The following HIVEP1 variants were observed in gnomAD, a reference collection of about 807,000 sequenced individuals.
HIVEP1 encodes zinc finger protein 40.
A neutral mutation model predicts 180.0 loss-of-function variants in HIVEP1; 36 were observed. The observed-to-expected ratio is 0.20, with a 90% confidence interval of 0.15 to 0.26. HIVEP1 has a LOEUF of 0.26. HIVEP1 is among the 10% of genes least tolerant of loss of function. The pLI is 1.00. For missense variants in HIVEP1, 3,143 were observed against 3,268.7 expected (o/e 0.96, Z 0.94); for synonymous variants, 1,239 against 1,239.0 (o/e 1.00, Z 0.00).
chr6:12,137,849 A>G (rs944480558), intron 7 of HIVEP1, among the ~76,000 whole-genome samples: 14 of 152,226 alleles, frequency 9.2e-5, no homozygotes, highest in East Asian at 1.9e-4. Flanking sequence ...CTTTTAAAAC[A>G]TATTTGGAGA....
chr6:12,055,188 A>G (rs765494749), intron 2 of HIVEP1, among the ~76,000 whole-genome samples: 9 of 152,268 alleles, frequency 5.9e-5, no homozygotes, highest in Non-Finnish European at 1.3e-4. Flanking sequence ...TTCTTCAGTT[A>G]AAATCATGAT....
rs1581563417 is a variant in HIVEP1, at chr6:12,043,354, A to ATT, written c.40+27686_40+27687insTT. Among the ~76,000 whole-genome samples, 56 of 140,358 alleles carry ATT rather than the reference A, an allele frequency of 4.0e-4. 1 individual carries two copies. The highest frequency in any genetic ancestry group is 5.1e-4 in the Non-Finnish European group (33 of 64,578). The allele number at this position is 140,358 out of a possible 152,430, so 92.1% of individuals were successfully genotyped here. A position where few individuals can be genotyped will look rare whatever the true frequency, so the allele number is the denominator to read the frequency against. ...CTCCTATTCCCACTTTCTAAGTGAA[A>ATT]ATTTTTTTTTTTTTTTTTTTTTTTG... On this transcript the variant is annotated intron_variant, in intron 2 of 8. Transcript: ENST00000379388.
chr6:12,131,716 TA>T (rs1758425956), intron 6 of HIVEP1, among the ~76,000 whole-genome samples: 1 of 112,338 alleles, frequency 8.9e-6, no homozygotes, highest in South Asian at 3.1e-4. Context: ...TGCCACTCTC[TA>T]AAAACCAAAG....
chr6:12,125,748 G>A lies in HIVEP1; in HGVS notation c.5953G>A (p.Ala1985Thr). The change falls in exon 4 of 9, where the codon GCA (alanine) becomes ACA (threonine). Residue 1985 changes from alanine (A) to threonine (T), a missense_variant. Around this residue, in one of 12 missense-constraint regions of HIVEP1, gnomAD observed 1,357 missense variants for 1,260.5 expected, o/e 1.08. Transcript: ENST00000379388. ...PNPLGLPTKV[A>T]LALLNSKQNT... is the part of the protein sequence containing the mutation. ...TCCACTCGGTTTGCCCACAAAAGTT[G>A]CACTTGCTCTCCTTAATTCAAAACA... 6.2e-7 allele frequency: 1 copy of A among 1,614,142 alleles called. No individual in the cohort carries two copies. The highest frequency in any genetic ancestry group is 8.5e-7 in the Non-Finnish European group (1 of 1,179,984).
In HIVEP1 at chr6:12,164,236, G is replaced by A; in HGVS notation, c.7932G>A (p.Val2644=). The A allele has an allele frequency of 6.2e-7, 1 of 1,614,118 alleles. No homozygotes were observed. The highest frequency in any genetic ancestry group is 8.5e-7 in the Non-Finnish European group (1 of 1,180,030). Residue 2644 remains valine (V), a synonymous_variant, in exon 9 of 9, where the codon GTG becomes GTA. Transcript: ENST00000379388. ...DTEKAASANH[V]KPKPELTSIQ... ...AGAAGGCTGCCTCGGCAAATCACGTGAAGCCCAAGCCTGAACTCACTTCCA... is the reference window on the plus strand; with the variant it reads ...AGAAGGCTGCCTCGGCAAATCACGTAAAGCCCAAGCCTGAACTCACTTCCA...
the HIVEP1 span, among the ~76,000 whole-genome samples, chr6:12,190,175 G>C: frequency 9.2e-5 from 14 of 152,176 alleles, no homozygotes; most frequent in Admixed American, 6.5e-4. Context: ...GTAGGAACGG[G>C]AAGAAATGGG....
At chr6:12,020,667 T>TA (rs1244997183) in intron 2 of HIVEP1, among the ~76,000 whole-genome samples, 1 of 152,212 alleles carries the variant, frequency 6.6e-6, no homozygotes, top group African/African-American at 2.4e-5. Context: ...AAAGAGGTGT[T>TA]ACTTACTTTA....
chr6:12,062,073 A>G (rs1385743300), intron 2 of HIVEP1, among the ~76,000 whole-genome samples: 1 of 152,214 alleles, frequency 6.6e-6, no homozygotes, highest in African/African-American at 2.4e-5. Context: ...AAGAATAACT[A>G]GTTGCCTAAG....
intron 3 of HIVEP1, among the ~76,000 whole-genome samples, chr6:12,113,844 T>G (rs1387106557): frequency 3.3e-5 from 5 of 152,206 alleles, no homozygotes; most frequent in Non-Finnish European, 7.3e-5. Context: ...CCACGAAACT[T>G]CTCCCAGGCA....
intron 7 of HIVEP1, among the ~76,000 whole-genome samples, chr6:12,150,155 A>G (rs1759618463): frequency 1.3e-5 from 2 of 152,208 alleles, no homozygotes; most frequent in African/African-American, 4.8e-5. Flanking sequence ...CCTCTGCTCC[A>G]CTGCACATTC....
the HIVEP1 span, among the ~76,000 whole-genome samples, chr6:12,175,025 G>A: frequency 6.6e-6 from 1 of 152,250 alleles, no homozygotes; most frequent in South Asian, 2.1e-4. Context: ...TTATTTCAAT[G>A]ACCATAGATT....
At chr6:12,070,642 A>G (rs572242521) in intron 2 of HIVEP1, among the ~76,000 whole-genome samples, 4 of 152,318 alleles carry the variant, frequency 2.6e-5, no homozygotes, top group African/African-American at 9.6e-5. Flanking sequence ...ATGAAAGTCT[A>G]TTATTTAAAA....
intron 7 of HIVEP1, among the ~76,000 whole-genome samples, chr6:12,148,544 A>G (rs1759507390): frequency 6.6e-6 from 1 of 152,330 alleles, no homozygotes. Context: ...AATGGTGAAC[A>G]ACCTTTTGTG....
intron 7 of HIVEP1, among the ~76,000 whole-genome samples, chr6:12,148,920 A>G (rs915816366): frequency 1.3e-5 from 2 of 152,244 alleles, no homozygotes; most frequent in Admixed American, 6.5e-5. Flanking sequence ...ATGTCGTTTC[A>G]TCATGCTAAC....
At chr6:12,021,846 G>A (rs773485994) in intron 2 of HIVEP1, among the ~76,000 whole-genome samples, 4 of 151,998 alleles carry the variant, frequency 2.6e-5, no homozygotes, top group Non-Finnish European at 5.9e-5. Context: ...TGTATTTTTA[G>A]TAGAGACTGG....
In HIVEP1 at chr6:12,119,893, T is replaced by C; in HGVS notation, c.98T>C (p.Ile33Thr). ...TTGTTGTTGTTGTTTTTTCCAGAAATCTTACAGGCTGGTGTTAAAGGAACT... is the reference window on the plus strand; with the variant it reads ...TTGTTGTTGTTGTTTTTTCCAGAAACCTTACAGGCTGGTGTTAAAGGAACT... ...LNGAEVSKKE[I>T]LQAGVKGTSE... Residue 33 changes from isoleucine (I) to threonine (T), a missense_variant, in exon 4 of 9, where the codon ATC becomes ACC. Ile to Thr is a moderately conservative substitution (Grantham distance 89, BLOSUM62 -1). Around this residue, in one of 12 missense-constraint regions of HIVEP1, gnomAD observed 114 missense variants for 134.5 expected, o/e 0.85. Transcript: ENST00000379388. 2 of 1,544,562 alleles carry C rather than the reference T, an allele frequency of 1.3e-6. No individual in the cohort carries two copies. Among genetic ancestry groups the C allele is most frequent in the Non-Finnish European group, 1.7e-6 (2 of 1,151,762 alleles).
intron 7 of HIVEP1, among the ~76,000 whole-genome samples, chr6:12,137,531 T>C (rs1432527167): frequency 1.3e-5 from 2 of 152,230 alleles, no homozygotes; most frequent in African/African-American, 4.8e-5. Flanking sequence ...TTAGAACTTC[T>C]GATAAACAGC....
rs1054730912 is a variant in HIVEP1 at position 12,069,550 on chromosome 6, C to T, written c.41-19634C>T. ...GAACATATGGACACAGGAAGGGGAA[C>T]ATCACACTCTGGGGACTGTTCTGGG... On this transcript the variant is annotated intron_variant, in intron 2 of 8. Transcript: ENST00000379388. 3.2e-5 allele frequency among the ~76,000 whole-genome samples: 4 copies of T among 124,858 alleles called. No homozygotes were observed. In the Admixed American group the frequency reaches 4.3e-4, roughly 14 times the overall value. 81.9% of individuals were successfully genotyped at this position (124,858 alleles called of 152,430 possible).
downstream of HIVEP1, among the ~76,000 whole-genome samples, chr6:12,168,261 T>TATAC (rs1562024840): frequency 1.4e-4 from 5 of 36,774 alleles, no homozygotes; most frequent in African/African-American, 3.8e-4. Context: ...GATATACGTG[T>TATAC]ATATATACAT....
Sources: gnomAD v4.1 joint callset for allele counts (sites outside exome capture counted in the v4.1 genomes callset) on GRCh38, gnomAD v4.1.1 for gene constraint, gnomAD v4.1.1 regional missense constraint, MANE v1.5 for transcripts, NCBI Gene and HGNC (gene_info 2026-07-23, HGNC 2026-07-21) for gene names.